Variants in TENM3 observed in about 807,000 individuals in gnomAD.
TENM3 encodes the protein teneurin transmembrane protein 3, also known as teneurin-3.
A neutral mutation model predicts 255.1 loss-of-function variants in TENM3; 63 were observed. That is an observed-to-expected ratio of 0.25 (90% CI 0.20 to 0.30). The LOEUF (loss-of-function observed/expected upper bound fraction) is 0.30, where lower values mean the gene tolerates loss of function less well. Among genes scored for constraint, TENM3 ranks in the 10% least tolerant of loss-of-function variants. The pLI is 1.00. For missense variants in TENM3, 2,929 were observed against 3,461.1 expected (o/e 0.85, Z 3.86); for synonymous variants, 1,306 against 1,322.3 (o/e 0.99, Z 0.27).
intron 1 of TENM3, among the ~76,000 whole-genome samples, chr4:182,269,752 A>T (rs1759489271): frequency 6.6e-6 from 1 of 152,184 alleles, no homozygotes. Context: ...AAAAAAAGCC[A>T]AACTCTGTAA....
Position 182,792,424 on chromosome 4 carries a change from C to T in TENM3, c.5752C>T (p.Pro1918Ser). Residue 1918 changes from proline to serine, a missense_variant, in exon 26 of 28, where the codon CCG (proline) becomes TCG (serine). Transcript: ENST00000511685. This position sits in a 1 kb window ranked among gnomAD's most constrained non-coding sequence, Gnocchi z 6.3. Reference sequence around the variant, plus strand: ...CTACTACCGCAACATATACAACCCCCCGGAAAGCAACGCCTCCATCATCAC... The same window carrying T: ...CTACTACCGCAACATATACAACCCCTCGGAAAGCAACGCCTCCATCATCAC... ...IGYYRNIYNP[P>S]ESNASIITDY... 1 of 1,614,048 alleles carries T rather than the reference C, an allele frequency of 6.2e-7. No individual in the cohort carries two copies. Among genetic ancestry groups the T allele is most frequent in the Non-Finnish European group, 8.5e-7 (1 of 1,179,902 alleles).
At chr4:181,580,960 A>G in the TENM3 span, among the ~76,000 whole-genome samples, 9 of 152,218 alleles carry the variant, frequency 5.9e-5, no homozygotes, top group South Asian at 2.1e-4. Flanking sequence ...AAACTATCCA[A>G]GGAGCCAAGT....
chr4:182,464,799 G>A (rs1732431013), intron 3 of TENM3, among the ~76,000 whole-genome samples: 1 of 152,148 alleles, frequency 6.6e-6, no homozygotes. Flanking sequence ...TATTGTACTG[G>A]TTTTTACTTA....
the TENM3 span, among the ~76,000 whole-genome samples, chr4:181,714,044 C>T: frequency 3.3e-5 from 5 of 152,172 alleles, no homozygotes; most frequent in South Asian, 6.2e-4. Context: ...AGGAAGAAAC[C>T]CTTTTTACAC....
chr4:181,501,746 C>T, the TENM3 span, among the ~76,000 whole-genome samples: 1 of 152,106 alleles, frequency 6.6e-6, no homozygotes, highest in Non-Finnish European at 1.5e-5. Flanking sequence ...GTTATGAGTT[C>T]AAAGGTGAAA....
intron 3 of TENM3, among the ~76,000 whole-genome samples, chr4:182,398,532 A>G (rs1769005933): frequency 6.6e-6 from 1 of 152,208 alleles, no homozygotes. Flanking sequence ...AGAAAAGTGA[A>G]AAGTGTCTCT....
rs547129258 is a variant in TENM3 at position 182,688,195 on chromosome 4, G to A, written c.2065G>A (p.Gly689Ser). The A allele has an allele frequency of 1.5e-5, 24 of 1,612,636 alleles. No individual in the cohort carries two copies. The highest frequency in any genetic ancestry group is 5.3e-5 in the African/African-American group (4 of 74,938). The change falls in exon 12 of 28, where the codon GGC (glycine) becomes AGC (serine). Residue 689 changes from glycine to serine, a missense_variant. Physicochemically the swap from Gly to Ser is moderately conservative, Grantham distance 56. Around this residue, in one of 6 missense-constraint regions of TENM3, gnomAD observed 1,608 missense variants for 1,884.4 expected, o/e 0.85. Transcript: ENST00000511685. ...EICSVDCGSH[G>S]VCMGGTCRCE... ...ATGTTCTGTGGACTGTGGCTCACAC[G>A]GCGTTTGCATGGGGGGGACGTGTCG...
chr4:182,205,098 C>G (rs75311652), intron 1 of TENM3, among the ~76,000 whole-genome samples: 9,903 of 152,196 alleles, frequency 0.065, 439 homozygotes, highest in Non-Finnish European at 0.097. Flanking sequence ...GAGAATAACT[C>G]TCTAATACTC....
At chr4:181,491,201 A>G in the TENM3 span, among the ~76,000 whole-genome samples, 6 of 152,182 alleles carry the variant, frequency 3.9e-5, no homozygotes, top group South Asian at 8.3e-4. Context: ...GGTAAATGCT[A>G]TATTAAACAG....
intron 3 of TENM3, among the ~76,000 whole-genome samples, chr4:182,463,268 G>T (rs1040764264): frequency 1.3e-5 from 2 of 152,050 alleles, no homozygotes; most frequent in African/African-American, 2.4e-5. Flanking sequence ...AAAAAACTCG[G>T]TGTTACTCTG....
the TENM3 span, among the ~76,000 whole-genome samples, chr4:181,479,498 A>G: frequency 5.3e-5 from 8 of 152,318 alleles, no homozygotes; most frequent in South Asian, 4.1e-4. Flanking sequence ...CATTTAAGTC[A>G]TACTGGACCT....
At chr4:181,731,072 T>C in the TENM3 span, among the ~76,000 whole-genome samples, 2 of 152,212 alleles carry the variant, frequency 1.3e-5, no homozygotes, top group African/African-American at 4.8e-5. Context: ...GTGCAAGAGA[T>C]GTATGTCAGA....
intron 4 of TENM3, among the ~76,000 whole-genome samples, chr4:182,618,223 A>G (rs756523869): frequency 8.5e-5 from 13 of 152,160 alleles, no homozygotes; most frequent in Non-Finnish European, 1.9e-4. Context: ...ACCACTTGGA[A>G]TAATGCTATA....
At chr4:181,592,954 G>A in the TENM3 span, among the ~76,000 whole-genome samples, 1 of 152,082 alleles carries the variant, frequency 6.6e-6, no homozygotes, top group Non-Finnish European at 1.5e-5. Context: ...AAGAAATTAT[G>A]GGATAGGATT....
the TENM3 span, among the ~76,000 whole-genome samples, chr4:181,481,149 CTT>C: frequency 3.3e-5 from 5 of 151,326 alleles, no homozygotes; most frequent in Admixed American, 6.6e-5. Context: ...AAAAAACTCT[CTT>C]TTCTTTTTTT....
chr4:182,179,115 T>TA (rs1223512112), intron 1 of TENM3, among the ~76,000 whole-genome samples: 1 of 152,250 alleles, frequency 6.6e-6, no homozygotes, highest in Non-Finnish European at 1.5e-5. Context: ...AAAACATATC[T>TA]AAATCTTGTA....
intron 1 of TENM3, among the ~76,000 whole-genome samples, chr4:182,183,196 T>C (rs1190000196): frequency 1.3e-5 from 2 of 152,150 alleles, no homozygotes; most frequent in East Asian, 3.9e-4. Context: ...CAGCATTTTA[T>C]TTTATTTTGT....
At chr4:182,687,057 G>A (rs748142074) in intron 11 of TENM3, among the ~76,000 whole-genome samples, 29 of 152,108 alleles carry the variant, frequency 1.9e-4, no homozygotes, top group African/African-American at 1.9e-4. Flanking sequence ...AGAGAATCAC[G>A]TGTCTGAGAA....
chr4:181,777,287 A>G, the TENM3 span, among the ~76,000 whole-genome samples: 2 of 152,016 alleles, frequency 1.3e-5, no homozygotes, highest in Non-Finnish European at 2.9e-5. Flanking sequence ...TTTTATACCA[A>G]TACCATGCTG....
Sources: allele counts gnomAD v4.1 joint callset (sites outside exome capture counted in the v4.1 genomes callset), GRCh38; gene constraint gnomAD v4.1.1; regional missense constraint gnomAD v4.1.1; non-coding constraint Gnocchi (gnomAD v3.1); transcripts MANE v1.5; gene names NCBI Gene and HGNC (gene_info 2026-07-23, HGNC 2026-07-21).